The following CNTN4 variants were observed in gnomAD, a reference collection of about 807,000 sequenced individuals.
CNTN4 encodes the protein contactin-4.
Under a neutral mutation model 122.5 loss-of-function variants are expected in CNTN4, and 77 were observed. The observed-to-expected ratio is 0.63, with a 90% confidence interval of 0.52 to 0.76. The LOEUF is 0.76. CNTN4 is among the 30% of genes least tolerant of loss of function. The pLI is 0.00. For missense variants in CNTN4, 1,256 were observed against 1,259.1 expected, an observed-to-expected ratio of 1.00 and a Z score of 0.04; for synonymous variants, 512 against 447.0, an observed-to-expected ratio of 1.15 and a Z score of -1.83.
chr3:2,366,294 G>A (rs1238114180), intron 3 of CNTN4, among the ~76,000 whole-genome samples: 1 of 152,118 alleles, frequency 6.6e-6, no homozygotes, highest in African/African-American at 2.4e-5. Context: ...AAATAATGTT[G>A]TCAATTTCAT....
At position 2,302,445 on chromosome 3, in the gene CNTN4, A is replaced by G. The variant is rs181764362; in HGVS notation, c.-144-36733A>G. Among the ~76,000 whole-genome samples the G allele has an allele frequency of 3.1e-3, 472 of 152,278 alleles. 1 individual carries two copies. Among genetic ancestry groups the G allele is most frequent in the Non-Finnish European group, 4.8e-3 (326 of 68,010 alleles). On this transcript the variant is annotated intron_variant, in intron 2 of 24. Transcript: ENST00000418658. Reference sequence around the variant, plus strand: ...TCCATCTCAAAAAACAAACAAACAGACATCTTAGAATTGTTTGGCTCTACG... The same window carrying G: ...TCCATCTCAAAAAACAAACAAACAGGCATCTTAGAATTGTTTGGCTCTACG...
At chr3:2,287,869 A>G (rs2042000953) in intron 2 of CNTN4, among the ~76,000 whole-genome samples, 4 of 152,322 alleles carry the variant, frequency 2.6e-5, no homozygotes, top group Middle Eastern at 6.8e-3. Flanking sequence ...ATATTCATCT[A>G]TTGTTGCTTG....
At chr3:2,677,808 C>G (rs1022856611) in intron 4 of CNTN4, among the ~76,000 whole-genome samples, 3 of 151,866 alleles carry the variant, frequency 2.0e-5, no homozygotes, top group African/African-American at 4.8e-5. Context: ...AAAAAAATAA[C>G]AGGTTTCCTG....
At chr3:2,248,022 C>G (rs1216774567) in intron 2 of CNTN4, among the ~76,000 whole-genome samples, 1 of 151,894 alleles carries the variant, frequency 6.6e-6, no homozygotes, top group Non-Finnish European at 1.5e-5. Context: ...TTTATCACCA[C>G]CTGACATGTG....
chr3:2,976,592 C>T (rs1346278121), intron 13 of CNTN4, among the ~76,000 whole-genome samples: 2 of 152,132 alleles, frequency 1.3e-5, no homozygotes, highest in East Asian at 3.8e-4. Context: ...TATTGACCTA[C>T]ATTAAATTTG....
chr3:2,544,847 TG>T lies in CNTN4; in HGVS notation c.-88-26567del, dbSNP rs577533782. 3.3e-5 allele frequency among the ~76,000 whole-genome samples: 5 copies of T among 151,936 alleles called. No individual in the cohort carries two copies. In the South Asian group the frequency reaches 1.0e-3, roughly 32 times the overall value. On this transcript the variant is annotated intron_variant, in intron 3 of 24. Transcript: ENST00000418658. ...TTCCTGGATTCATTGATCTTTTGTG[TG>T]GTTTTTCACATCTCAATTTCCTTCA...
intron 3 of CNTN4, among the ~76,000 whole-genome samples, chr3:2,465,239 T>G (rs1025811579): frequency 6.6e-6 from 1 of 152,190 alleles, no homozygotes; most frequent in Non-Finnish European, 1.5e-5. Context: ...AGGACTTCAG[T>G]GAGGCAGACA....
chr3:3,038,825 C>T lies in CNTN4; in HGVS notation c.2093-108C>T, dbSNP rs7648232. On this transcript the variant is annotated intron_variant, in intron 18 of 24. Transcript: ENST00000418658. ...TTGCTGATCTCCAGAGACAAAGGGG[C>T]GTGCCTCAGAGTACTCACTGAAAGT... The T allele has an allele frequency of 0.19, 150,819 of 802,160 alleles. 16,195 individuals carry two copies. Among genetic ancestry groups the T allele is most frequent in the African/African-American group, 0.35 (20,823 of 59,382 alleles). The allele number at this position is 802,160 out of a possible 1,614,324, so 49.7% of individuals were successfully genotyped here.
At chr3:2,635,933 C>T (rs577612905) in intron 4 of CNTN4, among the ~76,000 whole-genome samples, 10 of 152,252 alleles carry the variant, frequency 6.6e-5, no homozygotes, top group South Asian at 6.2e-4. Context: ...ATTGCCTAAC[C>T]GAGCACCTGC....
chr3:2,644,130 C>A (rs544789945), intron 4 of CNTN4, among the ~76,000 whole-genome samples: 3 of 152,226 alleles, frequency 2.0e-5, no homozygotes, highest in Admixed American at 1.3e-4. Flanking sequence ...TCCTGCCCCC[C>A]AGTGTGTGTT....
At chr3:2,382,316 C>T (rs543968823) in intron 3 of CNTN4, among the ~76,000 whole-genome samples, 5 of 151,868 alleles carry the variant, frequency 3.3e-5, no homozygotes, top group African/African-American at 7.2e-5. Context: ...ATTACAGGCG[C>T]GCTGTAATTT....
At chr3:2,600,864 C>T (rs534638688) in intron 4 of CNTN4, among the ~76,000 whole-genome samples, 113 of 152,204 alleles carry the variant, frequency 7.4e-4, no homozygotes, top group Middle Eastern at 3.4e-3. Flanking sequence ...CAGCACCTGT[C>T]GTTTCCTGGC....
chr3:2,666,996 G>T (rs540566130), intron 4 of CNTN4, among the ~76,000 whole-genome samples: 1 of 152,098 alleles, frequency 6.6e-6, no homozygotes, highest in South Asian at 2.1e-4. Flanking sequence ...ATCATTGATG[G>T]ACATTTGGGT....
At chr3:2,820,927 A>G (rs2092851662) in intron 7 of CNTN4, among the ~76,000 whole-genome samples, 2 of 133,984 alleles carry the variant, frequency 1.5e-5, no homozygotes, top group Non-Finnish European at 3.3e-5. Context: ...ATGTTCTTTT[A>G]TATTCTTTTT....
chr3:2,513,882 T>C (rs376126335), intron 3 of CNTN4, among the ~76,000 whole-genome samples: 1 of 152,104 alleles, frequency 6.6e-6, no homozygotes, highest in East Asian at 1.9e-4. Context: ...TCTAAAGCCA[T>C]AACAATTTGG....
intron 10 of CNTN4, 84 bp from the exon 11 acceptor site, chr3:2,900,601 C>T (rs2094162795): frequency 7.0e-7 from 1 of 1,433,538 alleles, no homozygotes; most frequent in Non-Finnish European, 9.8e-7. Context: ...TATAAGTGTA[C>T]TTTTGCCCTT....
At chr3:2,597,214 A>C (rs2080811038) in intron 4 of CNTN4, among the ~76,000 whole-genome samples, 1 of 152,172 alleles carries the variant, frequency 6.6e-6, no homozygotes, top group African/African-American at 2.4e-5. Flanking sequence ...CTTCCTTAGC[A>C]GTTCCATAGC....
intron 7 of CNTN4, among the ~76,000 whole-genome samples, chr3:2,827,873 C>T (rs946005201): frequency 6.6e-6 from 1 of 151,966 alleles, no homozygotes; most frequent in African/African-American, 2.4e-5. Context: ...TTTTAATAGA[C>T]TGAAGAATGT....
chr3:2,460,510 G>A, intron 3 of CNTN4, among the ~76,000 whole-genome samples: 1 of 151,952 alleles, frequency 6.6e-6, no homozygotes, highest in East Asian at 1.9e-4. Flanking sequence ...AAGGAGATAG[G>A]GGCAGATACT....
Sources: allele counts gnomAD v4.1 joint callset (sites outside exome capture counted in the v4.1 genomes callset), GRCh38; gene constraint gnomAD v4.1.1; transcripts MANE v1.5; gene names NCBI Gene and HGNC (gene_info 2026-07-23, HGNC 2026-07-21).